ZNF608: variants seen among roughly 807,000 people sequenced by gnomAD.
ZNF608 encodes the protein renal carcinoma antigen NY-REN-36.
ZNF608 carries 12 observed loss-of-function variants against 109.0 expected under a neutral mutation model. The ratio of observed to expected loss-of-function variants is 0.11; its 90% CI spans 0.07 to 0.18. The LOEUF (loss-of-function observed/expected upper bound fraction) is 0.18, where lower values mean the gene tolerates loss of function less well. Ranked by LOEUF, ZNF608 falls within the 10% of genes least tolerant of loss-of-function variation. ZNF608 has a pLI of 1.00. For synonymous variants in ZNF608, 732 were observed against 717.4 expected (o/e 1.02, Z -0.33); for missense variants, 1,707 against 1,879.3 (o/e 0.91, Z 1.70).
chr5:124,686,741 T>G (rs754311612), intron 3 of ZNF608, among the ~76,000 whole-genome samples: 3 of 152,256 alleles, frequency 2.0e-5, no homozygotes, highest in Non-Finnish European at 4.4e-5. Flanking sequence ...CTCTGTCAAC[T>G]TGAGTTACTT....
At chr5:124,699,885 C>T (rs539195067) in intron 3 of ZNF608, among the ~76,000 whole-genome samples, 47 of 152,286 alleles carry the variant, frequency 3.1e-4, no homozygotes, top group South Asian at 2.1e-3. Flanking sequence ...TCCACTCAGC[C>T]ACTTTTGAAT....
intron 2 of ZNF608, among the ~76,000 whole-genome samples, chr5:124,721,423 A>C (rs1309982350): frequency 6.6e-6 from 1 of 152,182 alleles, no homozygotes; most frequent in African/African-American, 2.4e-5. Flanking sequence ...ATAAGATGGC[A>C]TCCATGCCCT....
chr5:124,678,493 G>A (rs1469279404), intron 3 of ZNF608, among the ~76,000 whole-genome samples: 1 of 152,132 alleles, frequency 6.6e-6, no homozygotes, highest in Non-Finnish European at 1.5e-5. Flanking sequence ...AAACAGACGG[G>A]GGACTTAACC....
chr5:124,740,511 G>GAAA (rs5871103), intron 2 of ZNF608, among the ~76,000 whole-genome samples: 3 of 144,136 alleles, frequency 2.1e-5, no homozygotes, highest in African/African-American at 5.1e-5. Flanking sequence ...CACTATATTT[G>GAAA]AAAAAAAAAA....
rs11320730 is a variant in ZNF608, at chr5:124,694,142, A to ATTTTTTTTTTT, written c.1162+6861_1162+6871dup. 8.8e-3 allele frequency among the ~76,000 whole-genome samples: 562 copies of ATTTTTTTTTTT among 63,922 alleles called. 1 individual carries two copies. The highest frequency in any genetic ancestry group is 0.019 in the Middle Eastern group (1 of 54). The allele number at this position is 63,922 out of a possible 152,430, so 41.9% of individuals were successfully genotyped here. On this transcript the variant is annotated intron_variant, in intron 3 of 9. Transcript: ENST00000513986. ...AGGCGCCCGCCACCACGCTCGGCTA[A>ATTTTTTTTTTT]TTTTTTTTTTTTTTTTTTTTTTTTT...
chr5:124,726,662 TAAAAA>T lies in ZNF608; in HGVS notation c.906+17417_906+17421del, dbSNP rs142658513. On this transcript the variant is annotated intron_variant, in intron 2 of 9. Transcript: ENST00000513986. ...ACAACAGTCAACAGTAAGATTTGTT[TAAAAA>T]AAAAAAAAAAAAAAAAAGTCACTGC... 3.2e-3 allele frequency among the ~76,000 whole-genome samples: 436 copies of T among 135,564 alleles called. 5 individuals carry two copies. Among genetic ancestry groups the T allele is most frequent in the Admixed American group, 0.013 (184 of 13,810 alleles). 88.9% of individuals were successfully genotyped at this position (135,564 alleles called of 152,430 possible). A position where few individuals can be genotyped will look rare whatever the true frequency, so the allele number is the denominator to read the frequency against.
chr5:124,706,976 C>G (rs566479363), intron 2 of ZNF608, among the ~76,000 whole-genome samples: 3 of 152,096 alleles, frequency 2.0e-5, no homozygotes, highest in Admixed American at 1.3e-4. Flanking sequence ...CAGAGAGCGG[C>G]ACTTAGTGTG....
chr5:124,721,836 G>A (rs891499404), intron 2 of ZNF608, among the ~76,000 whole-genome samples: 1 of 147,394 alleles, frequency 6.8e-6, no homozygotes, highest in Non-Finnish European at 1.5e-5. Context: ...TACTCGGAAG[G>A]AAGGCTGTAG....
chr5:124,744,111 C>T lies in ZNF608; in HGVS notation c.879G>A (p.Arg293=), dbSNP rs764495210. The T allele has an allele frequency of 1.2e-4, 194 of 1,601,188 alleles. No homozygotes were observed. Among genetic ancestry groups the T allele is most frequent in the Non-Finnish European group, 1.6e-4 (193 of 1,173,804 alleles). Reference sequence around the variant, plus strand: ...TCTCAGTTTTCAGTTTCTTGATTCGCCTGTGGCTCTCCTCCTCCTCCTCTT... The same window carrying T: ...TCTCAGTTTTCAGTTTCTTGATTCGTCTGTGGCTCTCCTCCTCCTCCTCTT... The part of the protein sequence containing the change: ...KKEEEEEESH[R]RIKKLKTEKV... The change falls in exon 2 of 10, where the codon AGG becomes AGA. Residue 293 remains arginine (R), a synonymous_variant. Transcript: ENST00000513986. The surrounding 1 kb of genome is among the most constrained non-coding windows in gnomAD (Gnocchi z 4.5).
chr5:124,675,174 A>G (rs1380892017), intron 3 of ZNF608, among the ~76,000 whole-genome samples: 1 of 152,248 alleles, frequency 6.6e-6, no homozygotes, highest in Non-Finnish European at 1.5e-5. Context: ...GATATTAAAG[A>G]GTATCAGCAA....
rs141521984 is a variant in ZNF608, at chr5:124,648,956, G to A, written c.1428C>T (p.Ala476=). ...NGKGRRGSLN[A]SGRRTPPNCA... Reference sequence around the variant, plus strand: ...AATTTGGGGGTGTCCTTCGTCCGCTGGCATTGAGGCTGCCCCGCCTCCCTT... The same window carrying A: ...AATTTGGGGGTGTCCTTCGTCCGCTAGCATTGAGGCTGCCCCGCCTCCCTT... Residue 476 remains alanine (A), a synonymous_variant, in exon 5 of 10, where the codon GCC becomes GCT. Coordinates refer to ENST00000513986, the MANE Select transcript of ZNF608 (RefSeq NM_020747.3). 6.2e-6 allele frequency: 10 copies of A among 1,614,054 alleles called. No individual in the cohort carries two copies. In the East Asian group the frequency reaches 2.2e-4, roughly 36 times the overall value.
At chr5:124,736,395 G>A (rs1178804549) in intron 2 of ZNF608, among the ~76,000 whole-genome samples, 1 of 152,204 alleles carries the variant, frequency 6.6e-6, no homozygotes, top group African/African-American at 2.4e-5. Flanking sequence ...AGCCAAGGAA[G>A]TGACAGGAAA....
chr5:124,678,962 C>T (rs897314178), intron 3 of ZNF608, among the ~76,000 whole-genome samples: 1 of 152,148 alleles, frequency 6.6e-6, no homozygotes, highest in African/African-American at 2.4e-5. Context: ...TTCTTATTGC[C>T]GTGCAGCAGA....
At chr5:124,674,875 A>G (rs982511215) in intron 3 of ZNF608, among the ~76,000 whole-genome samples, 4 of 152,062 alleles carry the variant, frequency 2.6e-5, no homozygotes, top group African/African-American at 9.7e-5. Flanking sequence ...CACCTCCCCA[A>G]ATGCTAGGAT....
intron 3 of ZNF608, among the ~76,000 whole-genome samples, chr5:124,687,077 T>C (rs1319663908): frequency 6.6e-6 from 1 of 152,226 alleles, no homozygotes; most frequent in East Asian, 1.9e-4. Context: ...CAAATGTGTA[T>C]TTATTTCCCT....
In ZNF608 at chr5:124,665,777, C is replaced by G. The variant is rs528767804; in HGVS notation, c.1163-16080G>C. Among the ~76,000 whole-genome samples the G allele has an allele frequency of 4.6e-5, 7 of 152,278 alleles. No individual in the cohort carries two copies. In the East Asian group the frequency reaches 1.4e-3, roughly 29 times the overall value. On this transcript the variant is annotated intron_variant, in intron 3 of 9. Transcript: ENST00000513986. The stretch of plus-strand genomic sequence containing the variant: ...GCTCTAAACACAGCCCATAACATGC[C>G]CAGCCATGGCAGATCCAGACTGTTG...
chr5:124,676,402 C>T (rs1198236917), intron 3 of ZNF608, among the ~76,000 whole-genome samples: 1 of 152,140 alleles, frequency 6.6e-6, no homozygotes, highest in African/African-American at 2.4e-5. Context: ...TAATGAAATG[C>T]ATTTTGCAGA....
intron 8 of ZNF608, among the ~76,000 whole-genome samples, chr5:124,639,793 T>C (rs974100070): frequency 6.6e-6 from 1 of 152,186 alleles, no homozygotes; most frequent in Non-Finnish European, 1.5e-5. Context: ...TTAAATTCTA[T>C]AGAAGACAGT....
chr5:124,700,365 T>C (rs547187316), intron 3 of ZNF608, among the ~76,000 whole-genome samples: 1 of 152,248 alleles, frequency 6.6e-6, no homozygotes, highest in African/African-American at 2.4e-5. Flanking sequence ...ATAGCAATGA[T>C]AGATTAATCC....
Sources: allele counts gnomAD v4.1 joint callset (sites outside exome capture counted in the v4.1 genomes callset), GRCh38; gene constraint gnomAD v4.1.1; non-coding constraint Gnocchi (gnomAD v3.1); transcripts MANE v1.5; gene names NCBI Gene and HGNC (gene_info 2026-07-23, HGNC 2026-07-21).